OR51B5: variants seen among roughly 807,000 people sequenced by gnomAD.
OR51B5 encodes olfactory receptor 51B5.
For missense variants in OR51B5, 456 were observed against 374.6 expected (o/e 1.22, Z -1.79); for synonymous variants, 186 against 144.8 (o/e 1.28, Z -2.04).
chr11:5,379,990 A>T (rs537265959), intron 1 of OR51B5, among the ~76,000 whole-genome samples: 5 of 93,590 alleles, frequency 5.3e-5, no homozygotes, highest in African/African-American at 8.4e-5. Flanking sequence ...ACAAAACTTT[A>T]AAAAAAAAAA....
At chr11:5,481,861 C>A (rs182144899) in intron 1 of OR51B5, among the ~76,000 whole-genome samples, 13,153 of 139,670 alleles carry the variant, frequency 0.094, 694 homozygotes, top group Middle Eastern at 0.15. Context: ...AAAGAGGATA[C>A]AAACAAATGA....
At chr11:5,372,718 G>A (rs551283725) in intron 1 of OR51B5, among the ~76,000 whole-genome samples, 1 of 152,050 alleles carries the variant, frequency 6.6e-6, no homozygotes, top group Non-Finnish European at 1.5e-5. Flanking sequence ...TCCTTTTGAT[G>A]ATTGTTTTCT....
At chr11:5,373,910 C>T (rs1488570188) in intron 1 of OR51B5, among the ~76,000 whole-genome samples, 4 of 152,124 alleles carry the variant, frequency 2.6e-5, no homozygotes, top group Non-Finnish European at 5.9e-5. Context: ...AGGGCACAGA[C>T]AAACAAAAAG....
intron 1 of OR51B5, chr11:5,441,470 C>A (rs769210342): frequency 1.2e-6 from 2 of 1,613,408 alleles, no homozygotes; most frequent in South Asian, 2.2e-5. Context: ...TGCCTGTCAG[C>A]TGGAGTGTTG....
upstream of OR51B5, among the ~76,000 whole-genome samples, chr11:5,347,423 C>G (rs962359396): frequency 3.9e-5 from 6 of 152,198 alleles, no homozygotes; most frequent in African/African-American, 1.4e-4. Context: ...TTATCACTAA[C>G]TATTCCCTTC....
intron 1 of OR51B5, among the ~76,000 whole-genome samples, chr11:5,498,027 T>A (rs547686718): frequency 2.6e-5 from 4 of 152,288 alleles, no homozygotes; most frequent in Non-Finnish European, 4.4e-5. Flanking sequence ...GGTCTTCCAC[T>A]CCCACCTGCC....
chr11:5,499,151 C>T (rs1404875421), intron 1 of OR51B5, among the ~76,000 whole-genome samples: 1 of 152,142 alleles, frequency 6.6e-6, no homozygotes. Flanking sequence ...GACCTTCTGA[C>T]CTAGGTTTTC....
At chr11:5,498,382 G>A (rs422743) in intron 1 of OR51B5, among the ~76,000 whole-genome samples, 2 of 152,136 alleles carry the variant, frequency 1.3e-5, no homozygotes, top group Non-Finnish European at 2.9e-5. Context: ...CAAAGGACAG[G>A]ACCCAAGAAA....
Position 5,343,245 on chromosome 11 carries a change from C to A in OR51B5, c.280G>T (p.Ala94Ser), listed in dbSNP as rs910924822. The change falls in exon 1 of 1, where the codon GCC (alanine) becomes TCC (serine). Residue 94 changes from alanine (A) to serine (S), a missense_variant. Coordinates refer to ENST00000300773, the Ensembl canonical transcript of OR51B5. ...ATAAAGTAGGCCTGGGAAAAGCAGG[C>A]CGCACTTCCAATCTCCCTGTGATCC... 4 of 1,613,442 alleles carry A rather than the reference C, an allele frequency of 2.5e-6. No individual in the cohort carries two copies. The highest frequency in any genetic ancestry group is 1.7e-6 in the Non-Finnish European group (2 of 1,179,810).
Position 5,487,567 on chromosome 11 carries a change from A to G in OR51B5, n.84+18002T>C, listed in dbSNP as rs1362283589. Among the ~76,000 whole-genome samples the G allele has an allele frequency of 2.6e-5, 4 of 152,298 alleles. No individual in the cohort carries two copies. In the East Asian group the frequency reaches 7.7e-4, roughly 29 times the overall value. On this transcript the variant is annotated intron_variant and non_coding_transcript_variant, in intron 1 of 4. Transcript: ENST00000415970. Reference sequence around the variant, plus strand: ...CAATAATGTTACAGAATCGGGGCTAAAATTCAGATTTCCTGGCATTTCTAC... The same window carrying G: ...CAATAATGTTACAGAATCGGGGCTAGAATTCAGATTTCCTGGCATTTCTAC...
chr11:5,453,901 C>T, intron 1 of OR51B5: 1 of 1,614,232 alleles, frequency 6.2e-7, no homozygotes, highest in South Asian at 1.1e-5. Flanking sequence ...GTGCTCACCA[C>T]TGAAGTCATT....
At chr11:5,343,005 G>A (rs1455407182) in exon 1 of OR51B5, 1 of 1,613,616 alleles carries the variant, frequency 6.2e-7, no homozygotes. Flanking sequence ...CAGAATGCAT[G>A]TGAAAGAACA....
In OR51B5 at chr11:5,466,170, G is replaced by A. The variant is rs533246797; in HGVS notation, n.84+39399C>T. Reference sequence around the variant, plus strand: ...TTGATAATTTATCATTTACGTAGACGACAATACACTGTAAAATATTTATAT... The same window carrying A: ...TTGATAATTTATCATTTACGTAGACAACAATACACTGTAAAATATTTATAT... On this transcript the variant is annotated intron_variant and non_coding_transcript_variant, in intron 1 of 4. Coordinates refer to the OR51B5 transcript ENST00000415970. 1.1e-4 allele frequency among the ~76,000 whole-genome samples: 16 copies of A among 152,214 alleles called. No homozygotes were observed. The South Asian group carries it at 1.5e-3, about 14-fold the overall frequency.
rs1251298960 is a variant in OR51B5, at chr11:5,376,812, T to G, written n.85-29902A>C. Among the ~76,000 whole-genome samples, 7 of 150,992 alleles carry G rather than the reference T, an allele frequency of 4.6e-5. No homozygotes were observed. In the East Asian group the frequency reaches 1.2e-3, roughly 25 times the overall value. ...ATAACAGGATCTGAAATTGTGGCAA[T>G]AATCAATAGCTTACCAACCAAAAAG... On this transcript the variant is annotated intron_variant and non_coding_transcript_variant, in intron 1 of 4. Coordinates refer to the OR51B5 transcript ENST00000415970.
chr11:5,350,076 A>G (rs1399707921), intron 1 of OR51B5, among the ~76,000 whole-genome samples: 7 of 152,228 alleles, frequency 4.6e-5, no homozygotes, highest in African/African-American at 1.7e-4. Flanking sequence ...TGTACTCACT[A>G]GAGAAAGAGA....
chr11:5,477,148 G>A (rs1851320787), intron 1 of OR51B5, among the ~76,000 whole-genome samples: 2 of 152,176 alleles, frequency 1.3e-5, no homozygotes, highest in Admixed American at 1.3e-4. Flanking sequence ...ATGGTTTCAT[G>A]GCTGTATACT....
intron 1 of OR51B5, among the ~76,000 whole-genome samples, chr11:5,463,059 AG>A (rs1851083179): frequency 6.6e-6 from 1 of 152,346 alleles, no homozygotes; most frequent in Non-Finnish European, 1.5e-5. Context: ...TTGTCGTATT[AG>A]GGGTAGGTGG....
chr11:5,466,900 T>C (rs1590013819), intron 1 of OR51B5, among the ~76,000 whole-genome samples: 1 of 152,250 alleles, frequency 6.6e-6, no homozygotes, highest in Admixed American at 6.5e-5. Flanking sequence ...TGTATTTAGC[T>C]GTTGCATCAC....
chr11:5,390,453 T>A (rs1849779219), intron 1 of OR51B5: 2 of 1,266,432 alleles, frequency 1.6e-6, no homozygotes, highest in East Asian at 2.5e-5. Context: ...GAGTATTGAG[T>A]ATATAGCATG....
Sources: gnomAD v4.1 joint callset for allele counts (sites outside exome capture counted in the v4.1 genomes callset) on GRCh38, gnomAD v4.1.1 for gene constraint, MANE v1.5 for transcripts, NCBI Gene and HGNC (gene_info 2026-07-23, HGNC 2026-07-21) for gene names.